Variants in ZNRF3 observed in about 807,000 individuals in gnomAD.
ZNRF3 encodes zinc and ring finger 3, also known as E3 ubiquitin-protein ligase ZNRF3.
ZNRF3 carries 23 observed loss-of-function variants against 72.5 expected under a neutral mutation model. The observed-to-expected ratio is 0.32, with a 90% CI of 0.23 to 0.45. The LOEUF is 0.45. Ranked by LOEUF, ZNRF3 falls within the 20% of genes least tolerant of loss-of-function variation. The probability of loss-of-function intolerance (pLI) is 1.00; values close to 1 mark genes in which losing one functional copy is unlikely to be tolerated. For synonymous variants in ZNRF3, 610 were observed against 545.3 expected, an observed-to-expected ratio of 1.12 and a Z score of -1.65; for missense variants, 1,169 against 1,272.1, an observed-to-expected ratio of 0.92 and a Z score of 1.23.
At chr22:29,021,074 G>A (rs941082526) in intron 2 of ZNRF3, among the ~76,000 whole-genome samples, 6 of 151,916 alleles carry the variant, frequency 3.9e-5, no homozygotes, top group African/African-American at 1.5e-4. Context: ...GGGATTACAG[G>A]CGTGAGCCAC....
In ZNRF3 at chr22:29,049,212, C is replaced by T. The variant is rs1211313129; in HGVS notation, c.1031C>T (p.Pro344Leu). The change falls in exon 8 of 9, where the codon CCA (proline) becomes CTA (leucine). Residue 344 changes from proline (P) to leucine (L), a missense_variant. Transcript: ENST00000544604. This position sits in a 1 kb window ranked among gnomAD's most constrained non-coding sequence, Gnocchi z 5.2. The part of the protein sequence containing the change: ...RHNIIEQKGN[P>L]SAVCVETSNL... ...TTGTCTCCAGAACAAAAGGGAAACCCAAGCGCGGTGTGTGTGGAGACCAGC... is the reference window on the plus strand; with the variant it reads ...TTGTCTCCAGAACAAAAGGGAAACCTAAGCGCGGTGTGTGTGGAGACCAGC... The T allele has an allele frequency of 5.6e-6, 9 of 1,601,522 alleles. No individual in the cohort carries two copies. In the South Asian group the frequency reaches 1.0e-4, roughly 18 times the overall value.
chr22:29,005,825 C>T (rs952954503), intron 2 of ZNRF3, among the ~76,000 whole-genome samples: 2 of 152,024 alleles, frequency 1.3e-5, no homozygotes, highest in Admixed American at 6.6e-5. Context: ...CACCTGAGGT[C>T]GGGAGTTCAA....
chr22:28,952,549 T>G (rs182577546), intron 1 of ZNRF3, among the ~76,000 whole-genome samples: 2 of 152,266 alleles, frequency 1.3e-5, no homozygotes, highest in Non-Finnish European at 2.9e-5. Context: ...TTAGCAACTT[T>G]GGAAAAGTGT....
At chr22:28,920,638 AG>A (rs1254748378) in intron 1 of ZNRF3, among the ~76,000 whole-genome samples, 1 of 152,364 alleles carries the variant, frequency 6.6e-6, no homozygotes, top group East Asian at 1.9e-4. Context: ...GTTACTGAAA[AG>A]AAACTTTTCT....
chr22:28,982,351 A>C lies in ZNRF3; in HGVS notation c.301-4725A>C, dbSNP rs921536486. Among the ~76,000 whole-genome samples the C allele has an allele frequency of 2.7e-5, 4 of 149,100 alleles. No homozygotes were observed. In the Admixed American group the frequency reaches 2.7e-4, roughly 10 times the overall value. On this transcript the variant is annotated intron_variant, in intron 1 of 8. Coordinates refer to ENST00000544604, the MANE Select transcript of ZNRF3 (RefSeq NM_001206998.2). Reference sequence around the variant, plus strand: ...AGCAGCTCACACCTGTAATTCCAGCACTTTGGGAGGCTGAGGCGGAAGGAT... The same window carrying C: ...AGCAGCTCACACCTGTAATTCCAGCCCTTTGGGAGGCTGAGGCGGAAGGAT...
At chr22:28,940,982 T>G (rs1198220241) in intron 1 of ZNRF3, among the ~76,000 whole-genome samples, 1 of 152,156 alleles carries the variant, frequency 6.6e-6, no homozygotes, top group Non-Finnish European at 1.5e-5. Context: ...TTCCTCCCCC[T>G]TTTTGGACGT....
intron 1 of ZNRF3, among the ~76,000 whole-genome samples, chr22:28,908,040 T>A (rs552523600): frequency 4.0e-4 from 61 of 152,250 alleles, no homozygotes; most frequent in Non-Finnish European, 7.9e-4. Flanking sequence ...TAATTTTTTA[T>A]TTGGCTGTTT....
At chr22:28,901,512 A>C in intron 1 of ZNRF3, among the ~76,000 whole-genome samples, 1 of 152,110 alleles carries the variant, frequency 6.6e-6, no homozygotes, top group East Asian at 1.9e-4. Context: ...GGGGTGTGTA[A>C]GTAGTTTAGT....
At chr22:28,959,485 C>T (rs2035319320) in intron 1 of ZNRF3, among the ~76,000 whole-genome samples, 1 of 152,148 alleles carries the variant, frequency 6.6e-6, no homozygotes, top group African/African-American at 2.4e-5. Flanking sequence ...GAAGTAATAC[C>T]ATCATGTTAC....
chr22:29,001,252 G>T (rs2036140353), intron 2 of ZNRF3, among the ~76,000 whole-genome samples: 1 of 151,134 alleles, frequency 6.6e-6, no homozygotes, highest in Non-Finnish European at 1.5e-5. Flanking sequence ...TGTATTTTTA[G>T]TAGAGACAGG....
chr22:28,946,198 T>C (rs2035049629), intron 1 of ZNRF3, among the ~76,000 whole-genome samples: 1 of 152,232 alleles, frequency 6.6e-6, no homozygotes, highest in South Asian at 2.1e-4. Flanking sequence ...ACTTTTGTTT[T>C]AATTGACTCT....
chr22:29,046,064 T>C (rs1038231243), intron 5 of ZNRF3, among the ~76,000 whole-genome samples: 1 of 152,150 alleles, frequency 6.6e-6, no homozygotes, highest in Non-Finnish European at 1.5e-5. Flanking sequence ...TGGGTGATGC[T>C]TGATTAACAG....
chr22:28,884,251 C>T (rs1324748879), intron 1 of ZNRF3, among the ~76,000 whole-genome samples, 185 bp downstream of exon 1: 1 of 151,820 alleles, frequency 6.6e-6, no homozygotes, highest in Non-Finnish European at 1.5e-5. Context: ...GGCGCATCCG[C>T]GGGGGGCGAG....
chr22:29,033,241 C>T (rs982311818), intron 2 of ZNRF3, among the ~76,000 whole-genome samples: 2 of 151,252 alleles, frequency 1.3e-5, no homozygotes, highest in Non-Finnish European at 2.9e-5. Flanking sequence ...ATCCCAACTA[C>T]TCGGGAGGCT....
At chr22:28,964,862 C>T (rs1331047381) in intron 1 of ZNRF3, among the ~76,000 whole-genome samples, 1 of 152,246 alleles carries the variant, frequency 6.6e-6, no homozygotes, top group Non-Finnish European at 1.5e-5. Context: ...GGGGAGCTGG[C>T]ACCTTTGGCT....
chr22:28,894,392 C>G (rs966349509), intron 1 of ZNRF3, among the ~76,000 whole-genome samples: 2 of 147,500 alleles, frequency 1.4e-5, no homozygotes, highest in African/African-American at 5.1e-5. Flanking sequence ...AATGTCTGCA[C>G]TGAAGGGAAG....
chr22:28,900,236 G>A lies in ZNRF3; in HGVS notation c.300+16170G>A, dbSNP rs140353819. Among the ~76,000 whole-genome samples the A allele has an allele frequency of 4.8e-3, 727 of 152,250 alleles. 6 individuals carry two copies. The highest frequency in any genetic ancestry group is 6.8e-3 in the Non-Finnish European group (465 of 68,026). ...TCCTCACTTTCCCTTATACCAAGAT[G>A]GGGTTTCCTTGCTCCTCCCTATTGT... On this transcript the variant is annotated intron_variant, in intron 1 of 8. Coordinates refer to ENST00000544604, the MANE Select transcript of ZNRF3 (RefSeq NM_001206998.2).
intron 2 of ZNRF3, among the ~76,000 whole-genome samples, chr22:29,003,471 G>A (rs1037957017): frequency 2.0e-5 from 3 of 147,710 alleles, no homozygotes; most frequent in East Asian, 2.0e-4. Flanking sequence ...CCGAGATCGC[G>A]CCACTGCACT....
At chr22:29,002,602 G>A (rs1433722044) in intron 2 of ZNRF3, among the ~76,000 whole-genome samples, 3 of 152,198 alleles carry the variant, frequency 2.0e-5, no homozygotes, top group African/African-American at 7.2e-5. Context: ...TCAAAGGTTT[G>A]CTGATGCGCA....
Sources: gnomAD v4.1 joint callset for allele counts (sites outside exome capture counted in the v4.1 genomes callset) on GRCh38, gnomAD v4.1.1 for gene constraint, Gnocchi (gnomAD v3.1) non-coding constraint, MANE v1.5 for transcripts, NCBI Gene and HGNC (gene_info 2026-07-23, HGNC 2026-07-21) for gene names.